Variants in TRIM38 observed in about 807,000 individuals in gnomAD.
TRIM38 encodes the protein E3 ubiquitin-protein ligase TRIM38.
A neutral mutation model predicts 35.8 loss-of-function variants in TRIM38; 35 were observed. That is an observed-to-expected ratio of 0.98 (90% CI 0.75 to 1.30). The LOEUF is 1.30. Among genes scored for constraint, TRIM38 ranks in the 50% most tolerant of loss-of-function variants. TRIM38 has a pLI of 0.00. For missense variants in TRIM38, 545 were observed against 556.9 expected (o/e 0.98, Z 0.21); for synonymous variants, 198 against 204.7 (o/e 0.97, Z 0.28).
chr6:25,969,446 A>C, intron 4 of TRIM38, 26 bp downstream of exon 4: 174 of 1,577,236 alleles, frequency 1.1e-4, no homozygotes, highest in Non-Finnish European at 1.4e-4. Flanking sequence ...CATTGATCTC[A>C]AGCTATTTTC....
At chr6:25,968,940 G>A (rs1291756972) in intron 3 of TRIM38, among the ~76,000 whole-genome samples, 1 of 152,150 alleles carries the variant, frequency 6.6e-6, no homozygotes, top group Non-Finnish European at 1.5e-5. Context: ...TTTAGATGAT[G>A]ATTACCTTGT....
At position 25,962,832 on chromosome 6, in the gene TRIM38, A is replaced by G. The variant is rs1759890561; in HGVS notation, c.-446A>G. On this transcript the variant is annotated 5_prime_UTR_variant, in exon 1 of 8. Transcript: ENST00000357085. Reference sequence around the variant, plus strand: ...CTTCCTGACCCAGGAAGTGGCAGCAACAGAGGGGACTAGCAGCGAATATGT... The same window carrying G: ...CTTCCTGACCCAGGAAGTGGCAGCAGCAGAGGGGACTAGCAGCGAATATGT... 1 of 152,324 alleles carries G rather than the reference A, an allele frequency of 6.6e-6. No homozygotes were observed. Among genetic ancestry groups the G allele is most frequent in the African/African-American group, 2.4e-5 (1 of 41,428 alleles). 9.4% of individuals were successfully genotyped at this position (152,324 alleles called of 1,614,324 possible). A position where few individuals can be genotyped will look rare whatever the true frequency, so the allele number is the denominator to read the frequency against.
rs1760303511 is a variant in TRIM38, at chr6:25,973,519, C to T, written c.874+234C>T. On this transcript the variant is annotated intron_variant, in intron 7 of 7. Coordinates refer to ENST00000357085, the MANE Select transcript of TRIM38 (RefSeq NM_006355.5). ...AATTCTTATTCTTTCACTTATTAGC[C>T]ATGTTACTCCAAGTGACTTGGTTTC... 3 of 982,956 alleles carry T rather than the reference C, an allele frequency of 3.1e-6. No homozygotes were observed. In the South Asian group the frequency reaches 1.4e-4, roughly 46 times the overall value. 60.9% of individuals were successfully genotyped at this position (982,956 alleles called of 1,614,324 possible). A position where few individuals can be genotyped will look rare whatever the true frequency, so the allele number is the denominator to read the frequency against.
chr6:25,967,209 G>A (rs931754845), intron 3 of TRIM38, among the ~76,000 whole-genome samples: 3 of 152,022 alleles, frequency 2.0e-5, no homozygotes, highest in Admixed American at 1.3e-4. Flanking sequence ...CCAAACACCC[G>A]CATTTTTTCT....
At chr6:25,964,815 C>A (rs187021940) in intron 2 of TRIM38, among the ~76,000 whole-genome samples, 1 of 145,582 alleles carries the variant, frequency 6.9e-6, no homozygotes, top group East Asian at 2.0e-4. Flanking sequence ...ACCAATTATT[C>A]TTTTTTTTTT....
In TRIM38 at chr6:25,978,915, G is replaced by A. The variant is rs58845848; in HGVS notation, c.875-4249G>A. 2.7e-3 allele frequency among the ~76,000 whole-genome samples: 411 copies of A among 152,038 alleles called. 2 individuals are homozygous for A. Among genetic ancestry groups the A allele is most frequent in the East Asian group, 0.011 (58 of 5,164 alleles). On this transcript the variant is annotated intron_variant, in intron 7 of 7. Transcript: ENST00000357085. The stretch of plus-strand genomic sequence containing the variant: ...ACTCTTGGACTCAAGTGATTGACCC[G>A]CCTCAGCCTCCCAACGTGCTGGGAT...
At chr6:25,982,380 T>G (rs1209396521) in intron 7 of TRIM38, among the ~76,000 whole-genome samples, 2 of 152,184 alleles carry the variant, frequency 1.3e-5, no homozygotes, top group East Asian at 3.8e-4. Context: ...TACCCTCACG[T>G]CCTCACCACC....
At position 25,983,644 on chromosome 6, in the gene TRIM38, T is replaced by C. The variant is rs1397123263; in HGVS notation, c.1355T>C (p.Val452Ala). The C allele has an allele frequency of 1.9e-6, 3 of 1,610,262 alleles. No individual in the cohort carries two copies. Among genetic ancestry groups the C allele is most frequent in the African/African-American group, 2.7e-5 (2 of 74,752 alleles). The change falls in exon 8 of 8, where the codon GTT becomes GCT. Residue 452 changes from valine (V) to alanine (A), a missense_variant. Physicochemically the swap from Val to Ala is moderately conservative, Grantham distance 64. Transcript: ENST00000357085. ...GATACTCTCCGGCCCTATTTCCAGG[T>C]TTATCAATATTCTCCTTTGTTTCTG... ...FSDTLRPYFQ[V>A]YQYSPLFLPP...
chr6:25,980,322 C>T (rs2113615461), intron 7 of TRIM38, among the ~76,000 whole-genome samples: 1 of 152,042 alleles, frequency 6.6e-6, no homozygotes, highest in South Asian at 2.1e-4. Context: ...ACAATTTTTG[C>T]TTTGTATATT....
chr6:25,978,668 T>A (rs944120546), intron 7 of TRIM38, among the ~76,000 whole-genome samples: 6 of 152,014 alleles, frequency 3.9e-5, no homozygotes, highest in African/African-American at 1.4e-4. Context: ...ACCTGGCTAA[T>A]TTTTTAATTT....
chr6:25,983,483 T>TC lies in TRIM38; in HGVS notation c.1199dup (p.Thr401AsnfsTer7), dbSNP rs1760624228. On this transcript the variant is annotated frameshift_variant, in exon 8 of 8. Coordinates refer to ENST00000357085, the MANE Select transcript of TRIM38 (RefSeq NM_006355.5). LOFTEE classifies it low-confidence loss of function (END_TRUNC). ...AGAAAGGCTATGTAGCACTTACTTC[T>TC]CCCCCAACTTCCCTTCATCTGCATG... 1 of 1,614,018 alleles carries TC rather than the reference T, an allele frequency of 6.2e-7. No homozygotes were observed. Among genetic ancestry groups the TC allele is most frequent in the East Asian group, 2.2e-5 (1 of 44,860 alleles).
In TRIM38 at chr6:25,983,881, C is replaced by T; in HGVS notation, c.*194C>T. 1 of 557,596 alleles carries T rather than the reference C, an allele frequency of 1.8e-6. No homozygotes were observed. The highest frequency in any genetic ancestry group is 3.1e-6 in the Non-Finnish European group (1 of 326,820). 34.5% of individuals were successfully genotyped at this position (557,596 alleles called of 1,614,324 possible). ...AACTAAAAATACCACAGATGGTTAACCTGGACTGGGGCAAAGCAAGATAAT... is the reference window on the plus strand; with the variant it reads ...AACTAAAAATACCACAGATGGTTAATCTGGACTGGGGCAAAGCAAGATAAT... On this transcript the variant is annotated 3_prime_UTR_variant, in exon 8 of 8. Transcript: ENST00000357085.
In TRIM38 at chr6:25,988,496, C is replaced by CTTTTTTTCTTTTTTTTTTTT. The variant is rs1554143886; in HGVS notation, c.*4816_*4817insCTTTTTTTTTTTTTTTTTTT. On this transcript the variant is annotated 3_prime_UTR_variant, in exon 8 of 8. Coordinates refer to ENST00000357085, the MANE Select transcript of TRIM38 (RefSeq NM_006355.5). Reference sequence around the variant, plus strand: ...TTTCTTTTTCTTTTTTCTTTTCTTTCTTTTTTTTTTTTTTTTTGAGACAGA... The same window carrying CTTTTTTTCTTTTTTTTTTTT: ...TTTCTTTTTCTTTTTTCTTTTCTTTCTTTTTTTCTTTTTTTTTTTTTTTTTTTTTTTTTTTTTGAGACAGA... 3.2e-5 allele frequency: 2 copies of CTTTTTTTCTTTTTTTTTTTT among 63,054 alleles called. No homozygotes were observed. Among genetic ancestry groups the CTTTTTTTCTTTTTTTTTTTT allele is most frequent in the African/African-American group, 1.4e-4 (2 of 14,186 alleles). 3.9% of individuals were successfully genotyped at this position (63,054 alleles called of 1,614,324 possible).
intron 3 of TRIM38, among the ~76,000 whole-genome samples, chr6:25,969,088 G>A (rs781437960): frequency 6.6e-6 from 1 of 152,158 alleles, no homozygotes; most frequent in East Asian, 1.9e-4. Context: ...CCCTTTCTTA[G>A]TCTCATTTTC....
In TRIM38 at chr6:25,987,446, T is replaced by A. The variant is rs1372453636; in HGVS notation, c.*3759T>A. The A allele has an allele frequency of 6.6e-6, 1 of 152,170 alleles. No individual in the cohort carries two copies. The highest frequency in any genetic ancestry group is 1.9e-4 in the East Asian group (1 of 5,198). The allele number at this position is 152,170 out of a possible 1,614,324, so 9.4% of individuals were successfully genotyped here. Reference sequence around the variant, plus strand: ...GAGCTAGCTTTCTGGTCTTTTCTTATAAGGGACCAGTCCCATCATGCCCAT... The same window carrying A: ...GAGCTAGCTTTCTGGTCTTTTCTTAAAAGGGACCAGTCCCATCATGCCCAT... On this transcript the variant is annotated 3_prime_UTR_variant, in exon 8 of 8. Coordinates refer to ENST00000357085, the MANE Select transcript of TRIM38 (RefSeq NM_006355.5).
chr6:25,977,932 TG>T (rs1238272816), intron 7 of TRIM38, among the ~76,000 whole-genome samples: 1 of 152,112 alleles, frequency 6.6e-6, no homozygotes, highest in Non-Finnish European at 1.5e-5. Flanking sequence ...ACCAGTGCTC[TG>T]CCAGCTCAGT....
chr6:25,966,677 T>A lies in TRIM38; in HGVS notation c.155T>A (p.Leu52Gln). 1 of 1,614,142 alleles carries A rather than the reference T, an allele frequency of 6.2e-7. No homozygotes were observed. The highest frequency in any genetic ancestry group is 8.5e-7 in the Non-Finnish European group (1 of 1,180,020). The stretch of plus-strand genomic sequence containing the variant: ...TTTAAAAACCCAAGCCAAAAGCAAC[T>A]GAGGCAGGAGACATTCTGCTGTCCC... ...DFFKNPSQKQ[L>Q]RQETFCCPQC... Residue 52 changes from leucine to glutamine, a missense_variant, in exon 3 of 8, where the codon CTG becomes CAG. Transcript: ENST00000357085.
chr6:25,974,956 G>A, intron 7 of TRIM38: 5 of 985,202 alleles, frequency 5.1e-6, no homozygotes, highest in Non-Finnish European at 6.0e-6. Flanking sequence ...ATTTCACTGA[G>A]TCAATTTGCC....
In TRIM38 at chr6:25,966,807, A is replaced by G; in HGVS notation, c.285A>G (p.Glu95=). ...KETDQEMSCE[E]HGEQFHLFCE... ...CGGATCAAGAAATGTCATGTGAGGAACACGGAGAGCAGTTCCACCTGTTCT... is the reference window on the plus strand; with the variant it reads ...CGGATCAAGAAATGTCATGTGAGGAGCACGGAGAGCAGTTCCACCTGTTCT... Residue 95 remains glutamate, a synonymous_variant, in exon 3 of 8, where the codon GAA becomes GAG. Coordinates refer to ENST00000357085, the MANE Select transcript of TRIM38 (RefSeq NM_006355.5). 6.2e-7 allele frequency: 1 copy of G among 1,614,208 alleles called. No individual in the cohort carries two copies. Among genetic ancestry groups the G allele is most frequent in the Non-Finnish European group, 8.5e-7 (1 of 1,180,036 alleles).
Sources: gnomAD v4.1 joint callset for allele counts (sites outside exome capture counted in the v4.1 genomes callset) on GRCh38, gnomAD v4.1.1 for gene constraint, MANE v1.5 for transcripts, NCBI Gene and HGNC (gene_info 2026-07-23, HGNC 2026-07-21) for gene names.